SYNPR: variants seen among roughly 807,000 people sequenced by gnomAD.
The protein encoded by SYNPR is synaptoporin.
SYNPR carries 23 observed loss-of-function variants against 32.9 expected under a neutral mutation model. The observed-to-expected ratio is 0.70, with a 90% CI of 0.50 to 0.99. The LOEUF is 0.99. Among genes scored for constraint, SYNPR ranks in the 50% least tolerant of loss-of-function variants. The pLI is 0.00. For synonymous variants in SYNPR, 146 were observed against 135.9 expected, an observed-to-expected ratio of 1.07 and a Z score of -0.52; for missense variants, 318 against 349.3, an observed-to-expected ratio of 0.91 and a Z score of 0.71.
intron 2 of SYNPR, among the ~76,000 whole-genome samples, chr3:63,339,435 C>T (rs1261222352): frequency 1.3e-5 from 2 of 152,160 alleles, no homozygotes; most frequent in Non-Finnish European, 2.9e-5. Context: ...CCTTTTAACT[C>T]AGTTTTTCCT....
At position 63,278,393 on chromosome 3, in the gene SYNPR, C is replaced by T; in HGVS notation, c.-141C>T. ...CGTTAGCGGGTGGGCTCCCCGAGGC[C>T]CCCTGCCCTCGCCGGGCTGCTCCAG... On this transcript the variant is annotated 5_prime_UTR_variant, in exon 1 of 6. Coordinates refer to ENST00000478300, the MANE Select transcript of SYNPR (RefSeq NM_001130003.2). 1 of 1,135,474 alleles carries T rather than the reference C, an allele frequency of 8.8e-7. No individual in the cohort carries two copies. The highest frequency in any genetic ancestry group is 1.2e-6 in the Non-Finnish European group (1 of 817,144). 70.3% of individuals were successfully genotyped at this position (1,135,474 alleles called of 1,614,324 possible).
chr3:63,308,955 C>T (rs988580154), intron 2 of SYNPR, among the ~76,000 whole-genome samples: 1 of 151,548 alleles, frequency 6.6e-6, no homozygotes, highest in Non-Finnish European at 1.5e-5. Flanking sequence ...TTTTGCCCTC[C>T]CCTTCTATAG....
At chr3:63,201,296 T>C in the SYNPR span, among the ~76,000 whole-genome samples, 1 of 152,192 alleles carries the variant, frequency 6.6e-6, no homozygotes, top group Non-Finnish European at 1.5e-5. Context: ...AAAGGCATCA[T>C]ATTTAGTTCT....
chr3:63,286,352 C>T (rs1389850353), intron 2 of SYNPR, among the ~76,000 whole-genome samples: 1 of 152,276 alleles, frequency 6.6e-6, no homozygotes, highest in African/African-American at 2.4e-5. Context: ...TAGACAATTT[C>T]GTACACTTGA....
intron 2 of SYNPR, among the ~76,000 whole-genome samples, chr3:63,363,057 C>T (rs2087682280): frequency 6.6e-6 from 1 of 152,146 alleles, no homozygotes; most frequent in Admixed American, 6.6e-5. Context: ...TACATGGTAG[C>T]AAATAGTACT....
At chr3:63,543,149 C>T (rs1702337175) in intron 3 of SYNPR, among the ~76,000 whole-genome samples, 1 of 151,496 alleles carries the variant, frequency 6.6e-6, no homozygotes, top group African/African-American at 2.4e-5. Flanking sequence ...TTCTGTAAAA[C>T]TCCACTATAC....
At chr3:63,230,855 A>G (rs1242751743) in intron 1 of SYNPR, among the ~76,000 whole-genome samples, 3 of 152,184 alleles carry the variant, frequency 2.0e-5, no homozygotes, top group Non-Finnish European at 2.9e-5. Flanking sequence ...AGTGACTATT[A>G]TAACTGTAAG....
chr3:63,577,609 G>A (rs1703007971), intron 4 of SYNPR, among the ~76,000 whole-genome samples: 1 of 152,164 alleles, frequency 6.6e-6, no homozygotes, highest in Non-Finnish European at 1.5e-5. Flanking sequence ...AAGAGGTCGT[G>A]TGTAGGTGTA....
intron 2 of SYNPR, among the ~76,000 whole-genome samples, chr3:63,415,984 A>G (rs1440459879): frequency 6.6e-6 from 1 of 152,234 alleles, no homozygotes; most frequent in Non-Finnish European, 1.5e-5. Context: ...TCAGAAAGCA[A>G]CAGATGATTA....
At chr3:63,613,512 C>T (rs7627288) in intron 5 of SYNPR, among the ~76,000 whole-genome samples, 58,886 of 144,874 alleles carry the variant, frequency 0.41, 11,735 homozygotes, top group Middle Eastern at 0.54. Flanking sequence ...ACAAACCAGT[C>T]TTTAATTAGA....
intron 2 of SYNPR, among the ~76,000 whole-genome samples, chr3:63,475,438 A>G (rs933210679): frequency 2.0e-5 from 3 of 152,168 alleles, no homozygotes; most frequent in African/African-American, 7.2e-5. Flanking sequence ...AGATGGGAAT[A>G]CAGAGGTTTT....
intron 4 of SYNPR, among the ~76,000 whole-genome samples, chr3:63,607,746 T>C (rs1450502737): frequency 2.0e-5 from 3 of 152,120 alleles, no homozygotes; most frequent in African/African-American, 4.8e-5. Context: ...TCAGCTACTC[T>C]TAGTAGTGAG....
intron 1 of SYNPR, among the ~76,000 whole-genome samples, chr3:63,237,874 T>A (rs941447910): frequency 1.3e-5 from 2 of 151,986 alleles, no homozygotes; most frequent in Non-Finnish European, 2.9e-5. Context: ...TGGCCTCAGG[T>A]GTCTCTGGGA....
Position 63,348,384 on chromosome 3 carries a change from TTG to T in SYNPR, c.84+69644_84+69645del, listed in dbSNP as rs1258091142. Among the ~76,000 whole-genome samples, 3 of 152,176 alleles carry T rather than the reference TTG, an allele frequency of 2.0e-5. No homozygotes were observed. The East Asian group carries it at 5.8e-4, about 29-fold the overall frequency. ...CACTTTTTAATGGGGTTATTTGTTG[TTG>T]TTTTTTTTGAGTTGTTTGGGTTCCT... is the stretch of plus-strand genomic sequence containing the variant. On this transcript the variant is annotated intron_variant, in intron 2 of 5. Coordinates refer to ENST00000478300, the MANE Select transcript of SYNPR (RefSeq NM_001130003.2).
At chr3:63,224,586 A>G (rs1284375503), upstream of SYNPR, among the ~76,000 whole-genome samples, 1 of 152,236 alleles carries the variant, frequency 6.6e-6, no homozygotes, top group Non-Finnish European at 1.5e-5. Flanking sequence ...AACCTCTTGG[A>G]AAGTTTAATA....
At chr3:63,277,309 GCA>G (rs1400108447), upstream of SYNPR, among the ~76,000 whole-genome samples, 1 of 152,096 alleles carries the variant, frequency 6.6e-6, no homozygotes, top group Non-Finnish European at 1.5e-5. Context: ...AAAGCCCTTA[GCA>G]CAGTTTTCAG....
At chr3:63,415,329 T>G (rs1000491507) in intron 2 of SYNPR, among the ~76,000 whole-genome samples, 1 of 152,200 alleles carries the variant, frequency 6.6e-6, no homozygotes, top group Non-Finnish European at 1.5e-5. Flanking sequence ...AAAATTTGCT[T>G]TATTGTTTTA....
At chr3:63,564,874 T>A (rs1226387872) in intron 4 of SYNPR, among the ~76,000 whole-genome samples, 1 of 152,230 alleles carries the variant, frequency 6.6e-6, no homozygotes, top group African/African-American at 2.4e-5. Flanking sequence ...ATAAAGGCAG[T>A]GAACTGCTTA....
At chr3:63,390,430 C>T (rs888776191) in intron 2 of SYNPR, among the ~76,000 whole-genome samples, 10 of 152,274 alleles carry the variant, frequency 6.6e-5, no homozygotes, top group African/African-American at 2.2e-4. Context: ...GTACACCTAA[C>T]AGAAAGGGAT....
Sources: allele counts gnomAD v4.1 joint callset (sites outside exome capture counted in the v4.1 genomes callset), GRCh38; gene constraint gnomAD v4.1.1; transcripts MANE v1.5; gene names NCBI Gene and HGNC (gene_info 2026-07-23, HGNC 2026-07-21).